Variants in ZNF385D observed in about 807,000 individuals in gnomAD.
ZNF385D encodes zinc finger protein 385D, also known as zinc finger protein 659.
A neutral mutation model predicts 35.8 loss-of-function variants in ZNF385D; 15 were observed. The ratio of observed to expected loss-of-function variants is 0.42; its 90% confidence interval spans 0.28 to 0.64. ZNF385D has a LOEUF of 0.64. Among genes scored for constraint, ZNF385D ranks in the 30% least tolerant of loss-of-function variants. The pLI, the probability that ZNF385D is intolerant of heterozygous loss-of-function variation, is 0.23. For missense variants in ZNF385D, 474 were observed against 494.6 expected, an observed-to-expected ratio of 0.96 and a Z score of 0.39; for synonymous variants, 212 against 186.8, an observed-to-expected ratio of 1.13 and a Z score of -1.10.
chr3:21,918,848 G>A lies in ZNF385D; in HGVS notation c.325+249969C>T, dbSNP rs56260005. 1.9e-3 allele frequency among the ~76,000 whole-genome samples: 296 copies of A among 152,128 alleles called. 4 individuals carry two copies. In the South Asian group the frequency reaches 0.027, roughly 14 times the overall value. ...AATGACTTCTTGACAGCGAGATCTC[G>A]TGATTTTAATCAATGTCTTTATCTT... is the stretch of plus-strand genomic sequence containing the variant. On this transcript the variant is annotated intron_variant, in intron 3 of 5. Transcript: ENST00000494108.
intron 3 of ZNF385D, among the ~76,000 whole-genome samples, chr3:21,821,655 G>T (rs1280860694): frequency 2.0e-5 from 3 of 152,094 alleles, no homozygotes; most frequent in African/African-American, 4.8e-5. Flanking sequence ...ATCACAAGGG[G>T]ACTTGATTGC....
intron 3 of ZNF385D, among the ~76,000 whole-genome samples, chr3:22,120,901 G>C (rs1009782124): frequency 6.6e-6 from 1 of 152,064 alleles, no homozygotes; most frequent in African/African-American, 2.4e-5. Context: ...TGGCAGAAGA[G>C]AACTTTGAGA....
chr3:21,542,843 T>G (rs2062224795), intron 3 of ZNF385D: 1 of 152,218 alleles, frequency 6.6e-6, no homozygotes, highest in African/African-American at 2.4e-5. Flanking sequence ...TCCCGCCGAC[T>G]TTCACTCGAT....
intron 3 of ZNF385D, among the ~76,000 whole-genome samples, chr3:21,798,189 C>T (rs1351652510): frequency 6.6e-6 from 1 of 152,260 alleles, no homozygotes; most frequent in East Asian, 1.9e-4. Context: ...CCAATAACTG[C>T]TCTAAAAAAT....
intron 2 of ZNF385D, among the ~76,000 whole-genome samples, chr3:21,610,481 CAT>C (rs567155098): frequency 1.1e-4 from 16 of 152,156 alleles, no homozygotes; most frequent in South Asian, 2.1e-4. Flanking sequence ...AAACAATAGA[CAT>C]GTGTTGGCCG....
chr3:22,365,587 CTCTG>C (rs1391638047), intron 2 of ZNF385D, among the ~76,000 whole-genome samples: 1 of 152,010 alleles, frequency 6.6e-6, no homozygotes, highest in African/African-American at 2.4e-5. Flanking sequence ...AGGAAAACAT[CTCTG>C]TCTGTTCAAT....
chr3:22,160,792 T>A (rs2125739404), intron 3 of ZNF385D, among the ~76,000 whole-genome samples: 1 of 152,246 alleles, frequency 6.6e-6, no homozygotes, highest in East Asian at 1.9e-4. Context: ...CTTAATAAAT[T>A]AACCCAAATA....
intron 3 of ZNF385D, among the ~76,000 whole-genome samples, chr3:22,073,894 A>G (rs928353421): frequency 4.6e-5 from 7 of 151,966 alleles, no homozygotes; most frequent in African/African-American, 1.7e-4. Context: ...TATGCCATTC[A>G]TGAATAGTTT....
intron 3 of ZNF385D, among the ~76,000 whole-genome samples, chr3:21,851,682 T>G (rs1295742246): frequency 6.6e-6 from 1 of 152,024 alleles, no homozygotes; most frequent in Non-Finnish European, 1.5e-5. Flanking sequence ...AAATGATAAA[T>G]TTTATGAAAT....
chr3:21,568,133 T>C (rs1266400990), intron 2 of ZNF385D, among the ~76,000 whole-genome samples: 3 of 152,182 alleles, frequency 2.0e-5, no homozygotes, highest in African/African-American at 7.2e-5. Flanking sequence ...TAATTATCTT[T>C]TATCCTTTTA....
intron 2 of ZNF385D, among the ~76,000 whole-genome samples, chr3:21,600,745 A>G (rs989069): frequency 0.032 from 4,803 of 152,220 alleles, 251 homozygotes; most frequent in African/African-American, 0.11. Context: ...AAATAAGATA[A>G]CAGTGTATTC....
rs189802918 is a variant in ZNF385D, at chr3:21,630,225, G to A, written c.165+34661C>T. On this transcript the variant is annotated intron_variant, in intron 2 of 7. Transcript: ENST00000281523. ...TCTTTCTTTTTTTTTTTTTTGAGAC[G>A]GAGTTTTCCTCTTGTTGCCCAGGCT... is the stretch of plus-strand genomic sequence containing the variant. 9.1e-3 allele frequency among the ~76,000 whole-genome samples: 1,295 copies of A among 142,600 alleles called. 24 individuals are homozygous for A. The highest frequency in any genetic ancestry group is 0.033 in the African/African-American group (1,257 of 38,534). 93.6% of individuals were successfully genotyped at this position (142,600 alleles called of 152,430 possible).
At chr3:22,066,264 A>T (rs1029102581) in intron 3 of ZNF385D, among the ~76,000 whole-genome samples, 1 of 152,080 alleles carries the variant, frequency 6.6e-6, no homozygotes, top group African/African-American at 2.4e-5. Context: ...AAGACCAAAA[A>T]ATGAAGGAAA....
intron 3 of ZNF385D, among the ~76,000 whole-genome samples, chr3:21,900,616 A>T (rs1699356057): frequency 6.6e-6 from 1 of 152,196 alleles, no homozygotes. Context: ...AAGAACTGAC[A>T]ATTCAGAGAA....
At chr3:21,875,414 C>A (rs1227745029) in intron 3 of ZNF385D, among the ~76,000 whole-genome samples, 2 of 151,952 alleles carry the variant, frequency 1.3e-5, no homozygotes, top group Middle Eastern at 3.2e-3. Context: ...CCACTTTAGT[C>A]ACCCTTTTAT....
At chr3:21,565,630 T>TTTAC (rs574438207) in intron 2 of ZNF385D, among the ~76,000 whole-genome samples, 196 of 152,274 alleles carry the variant, frequency 1.3e-3, no homozygotes, top group Non-Finnish European at 2.2e-3. Context: ...ATTCATGAAA[T>TTTAC]TTACTTAGGA....
chr3:21,785,804 T>G (rs1226879100), intron 3 of ZNF385D, among the ~76,000 whole-genome samples: 1 of 152,206 alleles, frequency 6.6e-6, no homozygotes, highest in East Asian at 1.9e-4. Flanking sequence ...GACACTTTTG[T>G]TTCATGACCC....
intron 1 of ZNF385D, among the ~76,000 whole-genome samples, chr3:21,730,309 C>A (rs1283598142): frequency 2.0e-5 from 3 of 152,156 alleles, no homozygotes; most frequent in African/African-American, 7.2e-5. Flanking sequence ...GAAACAGTTC[C>A]CCAAAGGGGA....
intron 2 of ZNF385D, among the ~76,000 whole-genome samples, chr3:22,229,826 T>C (rs1559466531): frequency 1.3e-5 from 2 of 152,244 alleles, no homozygotes; most frequent in Middle Eastern, 3.4e-3. Context: ...ATGCTGCTTA[T>C]CCCGTACCCT....
Sources: allele counts gnomAD v4.1 joint callset (sites outside exome capture counted in the v4.1 genomes callset), GRCh38; gene constraint gnomAD v4.1.1; transcripts MANE v1.5; gene names NCBI Gene and HGNC (gene_info 2026-07-23, HGNC 2026-07-21).